The following LIMCH1 variants were observed in gnomAD, a reference collection of about 807,000 sequenced individuals.
LIMCH1 encodes the protein LIM and calponin homology domains 1.
LIMCH1 carries 113 observed loss-of-function variants against 176.5 expected under a neutral mutation model. That is an observed-to-expected ratio of 0.64 (90% CI 0.55 to 0.75). The LOEUF (loss-of-function observed/expected upper bound fraction) is 0.75. Ranked by LOEUF, LIMCH1 falls within the 30% of genes least tolerant of loss-of-function variation. LIMCH1 has a pLI of 0.00. For synonymous variants in LIMCH1, 619 were observed against 645.9 expected, an observed-to-expected ratio of 0.96 and a Z score of 0.63; for missense variants, 1,674 against 1,814.9, an observed-to-expected ratio of 0.92 and a Z score of 1.41.
rs771785906 is a variant in LIMCH1, at chr4:41,681,070, A to T, written c.3717+11A>T. The T allele has an allele frequency of 3.3e-6, 5 of 1,516,188 alleles. No homozygotes were observed. In the South Asian group the frequency reaches 5.6e-5, roughly 17 times the overall value. 93.9% of individuals were successfully genotyped at this position (1,516,188 alleles called of 1,614,324 possible). ...GGCAGTGGGACAATGGTGAGACCAC[A>T]GATTAAAAGCAATTTGTGAAATAAA... On this transcript the variant is annotated intron_variant, in intron 25 of 31. Coordinates refer to ENST00000503057, the MANE Select transcript of LIMCH1 (RefSeq NM_001330672.2).
At chr4:41,547,450 T>C (rs2152498647) in intron 1 of LIMCH1, among the ~76,000 whole-genome samples, 1 of 151,914 alleles carries the variant, frequency 6.6e-6, no homozygotes, top group South Asian at 2.1e-4. Context: ...AGATATTAAC[T>C]GCAGAGGCCC....
At position 41,620,587 on chromosome 4, in the gene LIMCH1, C is replaced by A. The variant is rs562770363; in HGVS notation, c.622C>A (p.Pro208Thr). 8.1e-5 allele frequency: 124 copies of A among 1,536,166 alleles called. No individual in the cohort carries two copies. The African/African-American group carries it at 1.1e-3, about 14-fold the overall frequency. The change falls in exon 7 of 32, where the codon CCA becomes ACA. Residue 208 changes from proline to threonine, a missense_variant. By Grantham distance (38) the Pro-to-Thr change is conservative. Transcript: ENST00000503057. The part of the protein sequence containing the change: ...HPSSDGAVVA[P>T]APKSEEKDAA... ...TTCTTCAGACGGGGCTGTGGTGGCA[C>A]CAGCTCCCAAGTCTGAAGAAAAAGA...
chr4:41,472,655 G>A (rs964335241), intron 1 of LIMCH1, among the ~76,000 whole-genome samples: 3 of 152,082 alleles, frequency 2.0e-5, no homozygotes, highest in African/African-American at 7.2e-5. Flanking sequence ...CTGGGCTAAA[G>A]CGATCGCCCA....
chr4:41,669,589 C>T (rs2094945492), intron 21 of LIMCH1, among the ~76,000 whole-genome samples: 1 of 152,200 alleles, frequency 6.6e-6, no homozygotes, highest in African/African-American at 2.4e-5. Context: ...TCTCACCACA[C>T]TCTGAAAACC....
At chr4:41,649,335 G>A (rs756551312) in intron 17 of LIMCH1, among the ~76,000 whole-genome samples, 10 of 152,182 alleles carry the variant, frequency 6.6e-5, no homozygotes, top group Admixed American at 6.5e-4. Context: ...GGAAGGTGGA[G>A]GCTGCAGTGA....
intron 13 of LIMCH1, among the ~76,000 whole-genome samples, chr4:41,635,279 A>C (rs1202434162): frequency 1.3e-5 from 2 of 150,804 alleles, no homozygotes; most frequent in African/African-American, 4.9e-5. Flanking sequence ...TGTTGCCCAG[A>C]CTGGAGTGCA....
At chr4:41,589,511 G>A (rs2087103549) in intron 1 of LIMCH1, among the ~76,000 whole-genome samples, 1 of 152,150 alleles carries the variant, frequency 6.6e-6, no homozygotes, top group South Asian at 2.1e-4. Flanking sequence ...AGCCAGGAAG[G>A]GGCAGAGCTG....
At chr4:41,360,200 T>C (rs1372831417), upstream of LIMCH1, among the ~76,000 whole-genome samples, 1 of 152,192 alleles carries the variant, frequency 6.6e-6, no homozygotes, top group East Asian at 1.9e-4. This position sits in a 1 kb window ranked among gnomAD's most constrained non-coding sequence, Gnocchi z 4.5. Flanking sequence ...TTTTTCTTTT[T>C]CTTCTTACAA....
chr4:41,428,284 T>G (rs1561340189), intron 1 of LIMCH1, among the ~76,000 whole-genome samples: 1 of 152,204 alleles, frequency 6.6e-6, no homozygotes, highest in African/African-American at 2.4e-5. Flanking sequence ...TCACTTAACC[T>G]CACTGTCCCT....
chr4:41,403,980 A>G (rs1484268241), intron 1 of LIMCH1, among the ~76,000 whole-genome samples: 1 of 152,192 alleles, frequency 6.6e-6, no homozygotes, highest in African/African-American at 2.4e-5. Flanking sequence ...TATTTGGGGA[A>G]CTGAGAAGTG....
intron 30 of LIMCH1, among the ~76,000 whole-genome samples, chr4:41,690,810 T>A (rs1724954928): frequency 6.6e-6 from 1 of 152,218 alleles, no homozygotes; most frequent in South Asian, 2.1e-4. Flanking sequence ...AGTATTAGAA[T>A]GAGACCAGAG....
intron 1 of LIMCH1, among the ~76,000 whole-genome samples, chr4:41,403,721 A>G (rs73146290): frequency 0.035 from 5,349 of 152,258 alleles, 303 homozygotes; most frequent in African/African-American, 0.12. Flanking sequence ...TGGTTGGTCT[A>G]CTTATACACT....
chr4:41,616,044 C>T (rs910580959), intron 5 of LIMCH1, among the ~76,000 whole-genome samples: 3 of 152,124 alleles, frequency 2.0e-5, no homozygotes, highest in African/African-American at 7.2e-5. Flanking sequence ...TATGAGTCCA[C>T]TTAATGGGCT....
chr4:41,408,338 A>G (rs2059172245), intron 1 of LIMCH1, among the ~76,000 whole-genome samples: 1 of 152,040 alleles, frequency 6.6e-6, no homozygotes, highest in Non-Finnish European at 1.5e-5. Flanking sequence ...ACTCATGTGA[A>G]CTCCCTTTGT....
At chr4:41,598,049 C>T (rs1008120115) in intron 1 of LIMCH1, among the ~76,000 whole-genome samples, 34 of 152,200 alleles carry the variant, frequency 2.2e-4, no homozygotes, top group African/African-American at 8.2e-4. Context: ...CCGACATTCC[C>T]TATCCTGTAG....
At chr4:41,437,454 T>G (rs1428221477) in intron 1 of LIMCH1, among the ~76,000 whole-genome samples, 1 of 152,196 alleles carries the variant, frequency 6.6e-6, no homozygotes, top group African/African-American at 2.4e-5. Flanking sequence ...GACATATCAT[T>G]AGGCTTCCAC....
Position 41,446,040 on chromosome 4 carries a change from C to A in LIMCH1, c.97-48496C>A, listed in dbSNP as rs566268313. On this transcript the variant is annotated intron_variant, in intron 1 of 26. Transcript: ENST00000313860. ...CCTAAAGGATTACGGTCTGAAGCCT[C>A]AGTACATTGGGTAATTTTGTTAAAA... Among the ~76,000 whole-genome samples, 3 of 152,314 alleles carry A rather than the reference C, an allele frequency of 2.0e-5. No individual in the cohort carries two copies. The South Asian group carries it at 6.2e-4, about 32-fold the overall frequency.
chr4:41,363,584 G>C (rs1018089662), intron 1 of LIMCH1, among the ~76,000 whole-genome samples: 1 of 152,046 alleles, frequency 6.6e-6, no homozygotes, highest in Non-Finnish European at 1.5e-5. Flanking sequence ...CTTAATAAAG[G>C]CTCAGGGAAC....
intron 1 of LIMCH1, among the ~76,000 whole-genome samples, chr4:41,588,188 T>C (rs2086826194): frequency 6.6e-6 from 1 of 152,090 alleles, no homozygotes. Flanking sequence ...ATGCGGTGTT[T>C]GGTTTTTTGT....
Sources: allele counts gnomAD v4.1 joint callset (sites outside exome capture counted in the v4.1 genomes callset), GRCh38; gene constraint gnomAD v4.1.1; non-coding constraint Gnocchi (gnomAD v3.1); transcripts MANE v1.5; gene names NCBI Gene and HGNC (gene_info 2026-07-23, HGNC 2026-07-21).